Variants in RGL1 observed in about 807,000 individuals in gnomAD.
RGL1 encodes the protein ral guanine nucleotide dissociation stimulator-like 1.
RGL1 carries 24 observed loss-of-function variants against 95.2 expected under a neutral mutation model. The observed-to-expected ratio is 0.25, with a 90% CI of 0.18 to 0.35. The LOEUF (loss-of-function observed/expected upper bound fraction) is 0.35. Ranked by LOEUF, RGL1 falls within the 10% of genes least tolerant of loss-of-function variation. RGL1 has a pLI of 1.00. For missense variants in RGL1, 715 were observed against 936.3 expected (o/e 0.76, Z 3.08); for synonymous variants, 329 against 344.9 (o/e 0.95, Z 0.51).
At chr1:183,811,345 T>C (rs1037221182) in intron 2 of RGL1, among the ~76,000 whole-genome samples, 1 of 152,186 alleles carries the variant, frequency 6.6e-6, no homozygotes, top group Non-Finnish European at 1.5e-5. Flanking sequence ...ATTACAATTA[T>C]GTGTGGTTGG....
At chr1:183,919,828 G>A (rs1449154248) in intron 16 of RGL1, among the ~76,000 whole-genome samples, 1 of 152,162 alleles carries the variant, frequency 6.6e-6, no homozygotes, top group Non-Finnish European at 1.5e-5. Flanking sequence ...GTTCAGTACC[G>A]CGCATTCAGT....
chr1:183,806,245 A>G (rs1661326553), intron 1 of RGL1, 130 bp from the exon 2 acceptor site: 1 of 633,664 alleles, frequency 1.6e-6, no homozygotes, highest in Non-Finnish European at 2.8e-6. Context: ...TGCGGATTGT[A>G]ATATTTATTT....
intron 15 of RGL1, among the ~76,000 whole-genome samples, chr1:183,914,535 C>T (rs1477369780): frequency 6.6e-6 from 1 of 152,180 alleles, no homozygotes; most frequent in African/African-American, 2.4e-5. Context: ...ACCTGAGAGC[C>T]TGTGACAGCC....
chr1:183,892,182 G>T (rs1433474050), intron 9 of RGL1, 21 bp downstream of exon 9: 1 of 1,504,686 alleles, frequency 6.6e-7, no homozygotes, highest in South Asian at 1.1e-5. Flanking sequence ...TAGTGAGGCT[G>T]CTGTGTAGTG....
At chr1:183,857,520 C>T (rs996133340) in intron 3 of RGL1, among the ~76,000 whole-genome samples, 15 of 152,260 alleles carry the variant, frequency 9.9e-5, no homozygotes, top group East Asian at 3.9e-4. Context: ...TGTTGAAGGT[C>T]GGTGTCCACC....
At chr1:183,831,121 G>A (rs905873064) in intron 2 of RGL1, among the ~76,000 whole-genome samples, 7 of 152,164 alleles carry the variant, frequency 4.6e-5, no homozygotes, top group African/African-American at 1.7e-4. Flanking sequence ...AATTAGTCTA[G>A]ATAAGGTAAT....
At chr1:183,645,665 T>C (rs937774847) in intron 1 of RGL1, among the ~76,000 whole-genome samples, 42 of 152,256 alleles carry the variant, frequency 2.8e-4, no homozygotes, top group Admixed American at 1.2e-3. Context: ...ATCACTGCAC[T>C]GCAGGATCTC....
intron 2 of RGL1, among the ~76,000 whole-genome samples, chr1:183,786,875 G>T (rs1461998928): frequency 6.6e-6 from 1 of 152,200 alleles, no homozygotes; most frequent in Non-Finnish European, 1.5e-5. Flanking sequence ...GGGGCTCATT[G>T]TGAGTATTAG....
chr1:183,913,259 G>C (rs1668768880), intron 15 of RGL1, among the ~76,000 whole-genome samples: 1 of 124,900 alleles, frequency 8.0e-6, no homozygotes, highest in Admixed American at 1.0e-4. Context: ...GCAGTGGTAC[G>C]ATCTTGGCTC....
At chr1:183,657,388 C>G (rs1174663) in intron 1 of RGL1, among the ~76,000 whole-genome samples, 44,020 of 151,740 alleles carry the variant, frequency 0.29, 6,818 homozygotes, top group Middle Eastern at 0.38. Context: ...GTGCTGCACC[C>G]ATTAACTTGT....
At chr1:183,703,832 G>C (rs547643973) in intron 1 of RGL1, among the ~76,000 whole-genome samples, 1 of 152,274 alleles carries the variant, frequency 6.6e-6, no homozygotes, top group South Asian at 2.1e-4. Context: ...GACACTGAGT[G>C]GCAGATAGAG....
At position 183,900,231 on chromosome 1, in the gene RGL1, A is replaced by T; in HGVS notation, c.1312A>T (p.Ile438Phe). The part of the protein sequence containing the change: ...TMLDTALQDY[I>F]EGGLINFEKR... ...GCTTGACACTGCCCTTCAGGACTACATCGAGGTGAGTTCCATGTGGGTGGT... is the reference window on the plus strand; with the variant it reads ...GCTTGACACTGCCCTTCAGGACTACTTCGAGGTGAGTTCCATGTGGGTGGT... The change falls in exon 11 of 18, where the codon ATC (isoleucine) becomes TTC (phenylalanine). Residue 438 changes from isoleucine (I) to phenylalanine (F), a missense_variant. Ile to Phe is a conservative substitution (Grantham distance 21, BLOSUM62 0). Around this residue, in one of 3 missense-constraint regions of RGL1, gnomAD observed 330 missense variants for 429.6 expected, o/e 0.77. Transcript: ENST00000360851. The T allele has an allele frequency of 6.2e-7, 1 of 1,613,542 alleles. No homozygotes were observed. The highest frequency in any genetic ancestry group is 8.5e-7 in the Non-Finnish European group (1 of 1,179,530).
At chr1:183,687,142 TTC>T (rs1653640691) in intron 1 of RGL1, among the ~76,000 whole-genome samples, 1 of 152,242 alleles carries the variant, frequency 6.6e-6, no homozygotes, top group Admixed American at 6.5e-5. Flanking sequence ...TTATGTGCTA[TTC>T]TATTACCTTT....
chr1:183,640,865 C>T (rs375479333), intron 1 of RGL1, among the ~76,000 whole-genome samples: 1 of 151,856 alleles, frequency 6.6e-6, no homozygotes, highest in East Asian at 1.9e-4. Flanking sequence ...ATTTCAATTT[C>T]GTTGGTATTT....
At chr1:183,748,686 G>A (rs1221767557) in intron 2 of RGL1, among the ~76,000 whole-genome samples, 2 of 152,092 alleles carry the variant, frequency 1.3e-5, no homozygotes, top group African/African-American at 2.4e-5. Flanking sequence ...GATTACAGGC[G>A]TGAGCCACCT....
At chr1:183,900,109 T>C (rs1366841186) in intron 10 of RGL1, 41 bp from the exon 11 acceptor site, 2 of 1,548,154 alleles carry the variant, frequency 1.3e-6, no homozygotes. Flanking sequence ...CCTCAACTTT[T>C]CAATGACAAT....
At chr1:183,708,885 C>T (rs1655086408) in intron 1 of RGL1, among the ~76,000 whole-genome samples, 1 of 152,168 alleles carries the variant, frequency 6.6e-6, no homozygotes, top group Admixed American at 6.5e-5. Flanking sequence ...GACCGGGGCC[C>T]CTTCCAGATT....
intron 1 of RGL1, among the ~76,000 whole-genome samples, chr1:183,717,828 C>G (rs138089993): frequency 3.7e-4 from 57 of 152,296 alleles, no homozygotes; most frequent in African/African-American, 1.3e-3. Flanking sequence ...CAAAGAAAGC[C>G]TCTCAGAGGA....
At chr1:183,742,029 C>G in intron 1 of RGL1, 2 of 883,832 alleles carry the variant, frequency 2.3e-6, no homozygotes, top group East Asian at 5.2e-5. Context: ...CTTTAATGGT[C>G]TCACTAGTCA....
Sources: allele counts gnomAD v4.1 joint callset (sites outside exome capture counted in the v4.1 genomes callset), GRCh38; gene constraint gnomAD v4.1.1; regional missense constraint gnomAD v4.1.1; transcripts MANE v1.5; gene names NCBI Gene and HGNC (gene_info 2026-07-23, HGNC 2026-07-21).